Variants in SMURF1 observed in about 807,000 individuals in gnomAD.
SMURF1 encodes E3 ubiquitin-protein ligase SMURF1.
Under a neutral mutation model 98.0 loss-of-function variants are expected in SMURF1, and 44 were observed. That is an observed-to-expected ratio of 0.45 (90% CI 0.35 to 0.58). SMURF1 has a LOEUF of 0.58. SMURF1 is among the 20% of genes least tolerant of loss of function. The probability of loss-of-function intolerance (pLI) is 0.00; values close to 1 mark genes in which losing one functional copy is unlikely to be tolerated. For missense variants in SMURF1, 687 were observed against 938.4 expected, an observed-to-expected ratio of 0.73 and a Z score of 3.50; for synonymous variants, 396 against 374.9, an observed-to-expected ratio of 1.06 and a Z score of -0.65.
At chr7:99,103,508 C>T (rs1260684021) in intron 1 of SMURF1, among the ~76,000 whole-genome samples, 1 of 152,200 alleles carries the variant, frequency 6.6e-6, no homozygotes, top group African/African-American at 2.4e-5. Flanking sequence ...GTCAATTACT[C>T]ATTTGAATCC....
intron 14 of SMURF1, among the ~76,000 whole-genome samples, chr7:99,037,481 C>T (rs191759640): frequency 2.0e-5 from 3 of 152,262 alleles, no homozygotes; most frequent in East Asian, 3.9e-4. Flanking sequence ...TCAGGTGATC[C>T]GCCCGCCTCG....
chr7:99,073,062 C>T (rs963022858), intron 1 of SMURF1, among the ~76,000 whole-genome samples: 1 of 152,140 alleles, frequency 6.6e-6, no homozygotes, highest in Admixed American at 6.5e-5. Flanking sequence ...CACTGACTCA[C>T]GCTACTTCAT....
chr7:99,040,618 G>T, intron 12 of SMURF1, 62 bp from the exon 13 acceptor site: 1 of 1,347,834 alleles, frequency 7.4e-7, no homozygotes, highest in Non-Finnish European at 9.6e-7. Flanking sequence ...TGGGAATCTC[G>T]TGCTGTCCCC....
At chr7:99,090,207 G>A (rs897056212) in intron 1 of SMURF1, among the ~76,000 whole-genome samples, 3 of 152,290 alleles carry the variant, frequency 2.0e-5, no homozygotes, top group East Asian at 1.9e-4. Context: ...GGCCTCCAGC[G>A]GGTGATCCGG....
chr7:99,103,098 C>A (rs956775612), intron 1 of SMURF1, among the ~76,000 whole-genome samples: 1 of 152,126 alleles, frequency 6.6e-6, no homozygotes, highest in Non-Finnish European at 1.5e-5. Context: ...CCACCACACC[C>A]GGTTACAATC....
intron 6 of SMURF1, among the ~76,000 whole-genome samples, chr7:99,054,179 T>C (rs962541383): frequency 6.6e-6 from 1 of 152,192 alleles, no homozygotes. Flanking sequence ...CCAAAGTCTC[T>C]GGCCACCTTG....
chr7:99,101,388 A>G (rs1282167019), intron 1 of SMURF1, among the ~76,000 whole-genome samples: 2 of 152,182 alleles, frequency 1.3e-5, no homozygotes, highest in African/African-American at 4.8e-5. Flanking sequence ...AACAACAACA[A>G]AAAAGAATGT....
chr7:99,105,532 T>C (rs971435727), intron 1 of SMURF1, among the ~76,000 whole-genome samples: 2 of 152,238 alleles, frequency 1.3e-5, no homozygotes, highest in Non-Finnish European at 2.9e-5. Context: ...GAAATTAATC[T>C]ATCATAGGGA....
At chr7:99,093,474 TATCACTAAAAA>T (rs1233631191) in intron 1 of SMURF1, among the ~76,000 whole-genome samples, 1 of 151,688 alleles carries the variant, frequency 6.6e-6, no homozygotes, top group African/African-American at 2.4e-5. Flanking sequence ...TCCTGGAATT[TATCACTAAAAA>T]GTCAATAAAA....
At position 99,060,703 on chromosome 7, in the gene SMURF1, G is replaced by A. The variant is rs1034843771; in HGVS notation, c.99C>T (p.Leu33=). The part of the protein sequence containing the change: ...KNLAKKDFFR[L]PDPFAKIVVD... ...CGACAATCTTTGCAAAAGGGTCAGG[G>A]AGCCCTAGAGGAGAGAGGAGACCCA... Residue 33 remains leucine, a synonymous_variant, in exon 3 of 18, where the codon CTC becomes CTT. Transcript: ENST00000361368. 5 of 1,612,840 alleles carry A rather than the reference G, an allele frequency of 3.1e-6. No homozygotes were observed. The African/African-American group carries it at 6.7e-5, about 22-fold the overall frequency.
intron 16 of SMURF1, among the ~76,000 whole-genome samples, chr7:99,033,783 G>A (rs1203914050): frequency 1.3e-5 from 2 of 152,312 alleles, no homozygotes; most frequent in East Asian, 3.9e-4. Flanking sequence ...GCAGGGAGAG[G>A]CACCAGGCCC....
intron 1 of SMURF1, 28 bp downstream of exon 1, chr7:99,143,698 G>A: frequency 6.5e-7 from 1 of 1,541,532 alleles, no homozygotes; most frequent in Admixed American, 1.9e-5. Context: ...GGGCGCCGGG[G>A]CGCGGGTGGG....
intron 16 of SMURF1, among the ~76,000 whole-genome samples, chr7:99,033,462 G>A (rs769965575): frequency 1.3e-5 from 2 of 152,220 alleles, no homozygotes; most frequent in South Asian, 2.1e-4. Context: ...ATGCCACCAC[G>A]CCTGGCTAAT....
intron 1 of SMURF1, among the ~76,000 whole-genome samples, chr7:99,088,985 C>A (rs1423352092): frequency 2.0e-5 from 3 of 152,134 alleles, no homozygotes; most frequent in African/African-American, 7.2e-5. Context: ...GCGGGCAGAT[C>A]ACAAGGTCAA....
At chr7:99,124,294 G>A (rs1797701256) in intron 1 of SMURF1, among the ~76,000 whole-genome samples, 1 of 152,174 alleles carries the variant, frequency 6.6e-6, no homozygotes, top group Non-Finnish European at 1.5e-5. Context: ...TCCAAGTGGT[G>A]GTCACCTTAG....
chr7:99,045,154 A>C (rs1464808484), intron 11 of SMURF1, among the ~76,000 whole-genome samples: 1 of 152,212 alleles, frequency 6.6e-6, no homozygotes, highest in East Asian at 1.9e-4. Flanking sequence ...AGACCAAAAA[A>C]AAAAAATTGT....
intron 1 of SMURF1, among the ~76,000 whole-genome samples, chr7:99,098,148 G>A (rs2150586175): frequency 6.6e-6 from 1 of 151,928 alleles, no homozygotes; most frequent in South Asian, 2.1e-4. Context: ...AGCTAAATTT[G>A]CTATAAGAAT....
chr7:99,079,176 G>A (rs1302361167), intron 1 of SMURF1, among the ~76,000 whole-genome samples: 3 of 152,256 alleles, frequency 2.0e-5, no homozygotes, highest in Non-Finnish European at 2.9e-5. Context: ...CGGGCAGGGC[G>A]TGTGGCCACA....
At chr7:99,116,095 A>C (rs531637263) in intron 1 of SMURF1, among the ~76,000 whole-genome samples, 1 of 152,366 alleles carries the variant, frequency 6.6e-6, no homozygotes, top group African/African-American at 2.4e-5. Context: ...CACCATGATC[A>C]AGGGATTTAT....
Sources: gnomAD v4.1 joint callset for allele counts (sites outside exome capture counted in the v4.1 genomes callset) on GRCh38, gnomAD v4.1.1 for gene constraint, MANE v1.5 for transcripts, NCBI Gene and HGNC (gene_info 2026-07-23, HGNC 2026-07-21) for gene names.